The following FGF9 variants were observed in gnomAD, a reference collection of about 807,000 sequenced individuals.
FGF9 encodes the protein fibroblast growth factor 9 (glia-activating factor).
FGF9 carries 3 observed loss-of-function variants against 19.9 expected under a neutral mutation model. The observed-to-expected ratio is 0.15, with a 90% CI of 0.07 to 0.39. FGF9 has a LOEUF of 0.39. FGF9 is among the 10% of genes least tolerant of loss of function. FGF9 has a pLI of 1.00. For missense variants in FGF9, 175 were observed against 256.8 expected (o/e 0.68, Z 2.18); for synonymous variants, 107 against 106.9 (o/e 1.00, Z -0.01).
intron 2 of FGF9, among the ~76,000 whole-genome samples, chr13:21,688,373 TA>T (rs1872208333): frequency 6.6e-6 from 1 of 152,220 alleles, no homozygotes; most frequent in Non-Finnish European, 1.5e-5. Flanking sequence ...ATATTTTGAG[TA>T]ATTGAGCATT....
intron 1 of FGF9, 126 bp from the exon 2 acceptor site, chr13:21,680,912 TTAAC>T (rs1216351852): frequency 1.5e-5 from 10 of 648,564 alleles, no homozygotes; most frequent in Non-Finnish European, 2.3e-5. Flanking sequence ...AGACACTTCT[TTAAC>T]TAGCGTGGGG....
intron 2 of FGF9, among the ~76,000 whole-genome samples, chr13:21,682,194 G>A (rs78149459): frequency 2.7e-5 from 4 of 147,424 alleles, no homozygotes; most frequent in African/African-American, 2.5e-5. Flanking sequence ...TTTTTTTTTT[G>A]TAGAGACAAG....
chr13:21,700,058 T>C (rs1386359873), intron 2 of FGF9, among the ~76,000 whole-genome samples: 5 of 151,824 alleles, frequency 3.3e-5, no homozygotes, highest in South Asian at 2.1e-4. Context: ...GTTATTTTTG[T>C]TGTTACTGCC....
At chr13:21,699,529 A>G (rs919974275) in intron 2 of FGF9, among the ~76,000 whole-genome samples, 1 of 152,112 alleles carries the variant, frequency 6.6e-6, no homozygotes, top group Non-Finnish European at 1.5e-5. Flanking sequence ...GGACCTAGAG[A>G]AGGTGGCCTC....
At chr13:21,700,494 A>G (rs1444361745) in intron 2 of FGF9, among the ~76,000 whole-genome samples, 2 of 152,240 alleles carry the variant, frequency 1.3e-5, no homozygotes, top group East Asian at 3.8e-4. Flanking sequence ...TGATTCTGCT[A>G]TACACGGAAT....
intron 2 of FGF9, among the ~76,000 whole-genome samples, chr13:21,683,934 A>T (rs1300885776): frequency 2.0e-5 from 3 of 152,192 alleles, no homozygotes; most frequent in Non-Finnish European, 4.4e-5. Context: ...AATGCTTAGG[A>T]TGAACCGCTG....
intron 1 of FGF9, among the ~76,000 whole-genome samples, chr13:21,674,448 C>T (rs1464552348): frequency 6.6e-6 from 1 of 150,980 alleles, no homozygotes; most frequent in African/African-American, 2.4e-5. Flanking sequence ...TCGCCGATCG[C>T]GATCTGGCTT....
intron 2 of FGF9, among the ~76,000 whole-genome samples, chr13:21,688,609 A>G (rs1872214587): frequency 6.6e-6 from 1 of 152,236 alleles, no homozygotes; most frequent in Non-Finnish European, 1.5e-5. Context: ...CTTGTCTGAT[A>G]CATATGCATG....
chr13:21,700,997 A>G lies in FGF9; in HGVS notation c.382-193A>G, dbSNP rs562768508. ...TTGAATGTAGCTAATTATGCAACAT[A>G]TTTATTTACCTTTTTAAAAAATTTT... On this transcript the variant is annotated intron_variant, in intron 2 of 2. Coordinates refer to ENST00000382353, the MANE Select transcript of FGF9 (RefSeq NM_002010.3). Among the ~76,000 whole-genome samples the G allele has an allele frequency of 1.1e-3, 163 of 152,300 alleles. 1 individual carries two copies. The highest frequency in any genetic ancestry group is 4.1e-4 in the Non-Finnish European group (28 of 68,024).
chr13:21,691,388 A>T lies in FGF9; in HGVS notation c.382-9802A>T, dbSNP rs1238508463. ...ATTCACAGAGGAGATGGAGAAAAACAGGCAGGTGTTCTCAGTAGAGAAACC... is the reference window on the plus strand; with the variant it reads ...ATTCACAGAGGAGATGGAGAAAAACTGGCAGGTGTTCTCAGTAGAGAAACC... On this transcript the variant is annotated intron_variant, in intron 2 of 2. Coordinates refer to ENST00000382353, the MANE Select transcript of FGF9 (RefSeq NM_002010.3). The surrounding 1 kb of genome is among the most constrained non-coding windows in gnomAD (Gnocchi z 4.2). Among the ~76,000 whole-genome samples the T allele has an allele frequency of 1.3e-5, 2 of 152,222 alleles. No individual in the cohort carries two copies. Among genetic ancestry groups the T allele is most frequent in the East Asian group, 3.9e-4 (2 of 5,188 alleles).
intron 2 of FGF9, among the ~76,000 whole-genome samples, chr13:21,697,243 G>A (rs1368299698): frequency 6.6e-6 from 1 of 152,166 alleles, no homozygotes; most frequent in Admixed American, 6.5e-5. Context: ...CTGCAGCCTC[G>A]ACTCAAGTGA....
intron 2 of FGF9, among the ~76,000 whole-genome samples, chr13:21,695,091 T>C (rs1308298675): frequency 1.1e-4 from 17 of 148,688 alleles, no homozygotes; most frequent in African/African-American, 2.6e-4. Flanking sequence ...TGCGTGTGTG[T>C]GTGTGTGTGT....
chr13:21,676,174 C>T (rs1478707307), intron 1 of FGF9, among the ~76,000 whole-genome samples: 2 of 152,078 alleles, frequency 1.3e-5, no homozygotes, highest in Admixed American at 6.6e-5. Context: ...GAACGCTGGG[C>T]CTGATCTGCT....
intron 1 of FGF9, among the ~76,000 whole-genome samples, chr13:21,678,220 T>C (rs1337171783): frequency 6.6e-6 from 1 of 152,204 alleles, no homozygotes; most frequent in Non-Finnish European, 1.5e-5. Flanking sequence ...AGAAACGAGA[T>C]AGATATCTTG....
chr13:21,684,379 T>C (rs948439244), intron 2 of FGF9, among the ~76,000 whole-genome samples: 7 of 152,130 alleles, frequency 4.6e-5, no homozygotes, highest in African/African-American at 1.7e-4. Flanking sequence ...TTGTACATAG[T>C]AGGTGCTCGA....
chr13:21,695,923 CAT>C lies in FGF9; in HGVS notation c.382-5266_382-5265del, dbSNP rs567371963. ...GCCCATTGAGTAGAATAAATGCAAA[CAT>C]GTGGACAAAACGACACCACATGTTT... On this transcript the variant is annotated intron_variant, in intron 2 of 2. Transcript: ENST00000382353. Among the ~76,000 whole-genome samples, 25 of 152,230 alleles carry C rather than the reference CAT, an allele frequency of 1.6e-4. 1 individual carries two copies. Among genetic ancestry groups the C allele is most frequent in the South Asian group, 1.0e-3 (5 of 4,818 alleles).
chr13:21,671,909 T>G lies in FGF9; in HGVS notation c.-4T>G. The G allele has an allele frequency of 3.1e-6, 5 of 1,614,242 alleles. No individual in the cohort carries two copies. Among genetic ancestry groups the G allele is most frequent in the Non-Finnish European group, 8.5e-7 (1 of 1,180,042 alleles). ...TTCTTGTGCTCCAAAAGCCGAGTCC[T>G]CTGATGGCTCCCTTAGGTGAAGTTG... On this transcript the variant is annotated 5_prime_UTR_variant, in exon 1 of 3. Transcript: ENST00000382353.
At position 21,701,229 on chromosome 13, in the gene FGF9, G is replaced by A. The variant is rs1010781871; in HGVS notation, c.421G>A (p.Glu141Lys). 6.2e-7 allele frequency: 1 copy of A among 1,613,592 alleles called. No individual in the cohort carries two copies. Among genetic ancestry groups the A allele is most frequent in the Non-Finnish European group, 8.5e-7 (1 of 1,179,796 alleles). ...AGAGTGTGTATTCAGAGAACAGTTC[G>A]AAGAAAACTGGTATAATACGTACTC... ...TQECVFREQF[E>K]ENWYNTYSSN... Residue 141 changes from glutamate (E) to lysine (K), a missense_variant, in exon 3 of 3, where the codon GAA becomes AAA. Coordinates refer to ENST00000382353, the MANE Select transcript of FGF9 (RefSeq NM_002010.3).
intron 2 of FGF9, among the ~76,000 whole-genome samples, chr13:21,683,662 ATCT>A (rs1405205338): frequency 6.6e-6 from 1 of 152,250 alleles, no homozygotes; most frequent in African/African-American, 2.4e-5. Flanking sequence ...AGAAGCACAC[ATCT>A]TCTCTCGTGA....
Sources: allele counts gnomAD v4.1 joint callset (sites outside exome capture counted in the v4.1 genomes callset), GRCh38; gene constraint gnomAD v4.1.1; non-coding constraint Gnocchi (gnomAD v3.1); transcripts MANE v1.5; gene names NCBI Gene and HGNC (gene_info 2026-07-23, HGNC 2026-07-21).